The following DLG2 variants were observed in gnomAD, a reference collection of about 807,000 sequenced individuals.
DLG2 encodes discs large MAGUK scaffold protein 2.
DLG2 carries 45 observed loss-of-function variants against 132.5 expected under a neutral mutation model. The observed-to-expected ratio is 0.34, with a 90% CI of 0.27 to 0.44. The LOEUF (loss-of-function observed/expected upper bound fraction) is 0.44, where lower values mean the gene tolerates loss of function less well. Ranked by LOEUF, DLG2 falls within the 20% of genes least tolerant of loss-of-function variation. The pLI is 1.00. For missense variants in DLG2, 1,045 were observed against 1,196.9 expected, an observed-to-expected ratio of 0.87 and a Z score of 1.87; for synonymous variants, 424 against 419.6, an observed-to-expected ratio of 1.01 and a Z score of -0.13.
intron 4 of DLG2, among the ~76,000 whole-genome samples, chr11:85,177,948 G>A (rs1395481448): frequency 6.6e-6 from 1 of 151,906 alleles, no homozygotes; most frequent in Non-Finnish European, 1.5e-5. Context: ...CAAAATAAAT[G>A]TCTTATATTT....
intron 21 of DLG2, among the ~76,000 whole-genome samples, chr11:83,520,378 T>G (rs963069063): frequency 7.9e-5 from 12 of 152,234 alleles, no homozygotes; most frequent in African/African-American, 2.9e-4. Context: ...TTGTTGCCTA[T>G]GTATACCAAT....
At chr11:84,098,223 G>A (rs1411272275) in intron 10 of DLG2, among the ~76,000 whole-genome samples, 1 of 151,990 alleles carries the variant, frequency 6.6e-6, no homozygotes, top group African/African-American at 2.4e-5. Flanking sequence ...ATTTTTAATA[G>A]AGATGGGGTT....
At position 84,475,116 on chromosome 11, in the gene DLG2, C is replaced by T. The variant is rs143052242; in HGVS notation, c.519+59454G>A. Among the ~76,000 whole-genome samples, 58 of 152,232 alleles carry T rather than the reference C, an allele frequency of 3.8e-4. 1 individual carries two copies. The East Asian group carries it at 8.2e-3, about 21-fold the overall frequency. ...GCTGATAGCACATGTTGAGCTCCAA[C>T]GAGTTGTAACCAATAGGTTATTTTG... is the stretch of plus-strand genomic sequence containing the variant. On this transcript the variant is annotated intron_variant, in intron 7 of 27. Transcript: ENST00000376104.
intron 6 of DLG2, among the ~76,000 whole-genome samples, chr11:85,030,071 G>A (rs2154144369): frequency 6.6e-6 from 1 of 152,270 alleles, no homozygotes; most frequent in Admixed American, 6.5e-5. Context: ...TGACTGCACT[G>A]GAGTCTACCC....
chr11:85,094,293 G>A (rs2069358917), intron 6 of DLG2, among the ~76,000 whole-genome samples: 1 of 152,210 alleles, frequency 6.6e-6, no homozygotes, highest in Non-Finnish European at 1.5e-5. Context: ...TTTCAGTATG[G>A]TAATTAGGCA....
intron 6 of DLG2, among the ~76,000 whole-genome samples, chr11:84,676,123 C>G (rs2099710958): frequency 6.6e-6 from 1 of 152,038 alleles, no homozygotes; most frequent in South Asian, 2.1e-4. Context: ...TCAACTGATA[C>G]AGTTTCCAGA....
rs548442865 is a variant in DLG2, at chr11:83,654,316, G to A, written c.1826-20991C>T. Among the ~76,000 whole-genome samples the A allele has an allele frequency of 9.9e-5, 15 of 152,240 alleles. 2 individuals are homozygous for A. The highest frequency in any genetic ancestry group is 3.6e-4 in the African/African-American group (15 of 41,560). On this transcript the variant is annotated intron_variant, in intron 18 of 27. Transcript: ENST00000376104. ...CTGGCATTCGAGGCCAATTTGATCT[G>A]CCCTCTGCTTTCCTATTTTATCCCC...
chr11:83,751,197 T>C (rs1023740619), intron 18 of DLG2, among the ~76,000 whole-genome samples: 1 of 152,190 alleles, frequency 6.6e-6, no homozygotes, highest in Non-Finnish European at 1.5e-5. Flanking sequence ...CTTTCAGAAA[T>C]AACATTCTTG....
intron 7 of DLG2, among the ~76,000 whole-genome samples, chr11:84,418,370 C>T (rs1436660314): frequency 6.6e-6 from 1 of 152,110 alleles, no homozygotes; most frequent in Non-Finnish European, 1.5e-5. Flanking sequence ...AATACTAGTC[C>T]AGAATAATAG....
chr11:84,775,507 T>C (rs1448086423), intron 6 of DLG2, among the ~76,000 whole-genome samples: 1 of 151,966 alleles, frequency 6.6e-6, no homozygotes, highest in Non-Finnish European at 1.5e-5. Context: ...AGCAAAAACA[T>C]GGAATAAACT....
intron 3 of DLG2, among the ~76,000 whole-genome samples, chr11:85,348,705 G>C (rs2083054026): frequency 6.6e-6 from 1 of 151,950 alleles, no homozygotes; most frequent in South Asian, 2.1e-4. Flanking sequence ...TCATTGAATA[G>C]TGCAAGCCAG....
intron 6 of DLG2, among the ~76,000 whole-genome samples, chr11:84,946,501 T>C (rs1397709467): frequency 6.6e-6 from 1 of 152,024 alleles, no homozygotes; most frequent in Non-Finnish European, 1.5e-5. Context: ...TGTCCAGAAA[T>C]CTCTTTCAGG....
chr11:85,484,303 T>A (rs979647501), intron 3 of DLG2, among the ~76,000 whole-genome samples: 2 of 136,158 alleles, frequency 1.5e-5, no homozygotes. Flanking sequence ...AAAGACTTCA[T>A]GTCTAAAACA....
intron 4 of DLG2, among the ~76,000 whole-genome samples, chr11:85,266,827 C>T (rs1034205871): frequency 3.3e-5 from 5 of 152,160 alleles, no homozygotes; most frequent in African/African-American, 9.7e-5. Flanking sequence ...GAAACATTTG[C>T]TTCACAAGGA....
At chr11:83,593,147 T>C (rs2097216528) in intron 19 of DLG2, among the ~76,000 whole-genome samples, 1 of 138,252 alleles carries the variant, frequency 7.2e-6, no homozygotes, top group African/African-American at 2.7e-5. Context: ...TTACTGGGTA[T>C]ATACCCAAAG....
intron 6 of DLG2, among the ~76,000 whole-genome samples, chr11:84,707,030 A>G (rs1321035907): frequency 6.6e-6 from 1 of 151,792 alleles, no homozygotes; most frequent in Non-Finnish European, 1.5e-5. Flanking sequence ...TGCAAAATGA[A>G]ACATTTCAGA....
intron 6 of DLG2, among the ~76,000 whole-genome samples, chr11:84,698,461 G>A (rs1356419191): frequency 6.6e-6 from 1 of 151,414 alleles, no homozygotes; most frequent in African/African-American, 2.4e-5. Flanking sequence ...GAAATAAGTG[G>A]CAGAACAAAG....
intron 7 of DLG2, among the ~76,000 whole-genome samples, chr11:84,320,698 G>A (rs1318149872): frequency 2.0e-5 from 3 of 152,092 alleles, no homozygotes; most frequent in Non-Finnish European, 2.9e-5. Context: ...ACTTTTGTGA[G>A]ACAAAAACAA....
chr11:84,906,407 CACACACA>C (rs2091521236), intron 6 of DLG2, among the ~76,000 whole-genome samples: 2 of 151,620 alleles, frequency 1.3e-5, no homozygotes, highest in African/African-American at 4.8e-5. Context: ...CACACACACA[CACACACA>C]GAGAGCCAAG....
Sources: allele counts gnomAD v4.1 joint callset (sites outside exome capture counted in the v4.1 genomes callset), GRCh38; gene constraint gnomAD v4.1.1; transcripts MANE v1.5; gene names NCBI Gene and HGNC (gene_info 2026-07-23, HGNC 2026-07-21).